The following ELAVL1 variants were observed in gnomAD, a reference collection of about 807,000 sequenced individuals.
The protein encoded by ELAVL1 is ELAV-like protein 1.
In ELAVL1, 1 loss-of-function variant was observed where a neutral mutation model predicts 28.4. That is an observed-to-expected ratio of 0.04 (90% CI 0.01 to 0.17). ELAVL1 has a LOEUF of 0.17. Among genes scored for constraint, ELAVL1 ranks in the 10% least tolerant of loss-of-function variants. The pLI is 1.00. For missense variants in ELAVL1, 157 were observed against 447.2 expected (o/e 0.35, Z 5.85); for synonymous variants, 174 against 183.5 (o/e 0.95, Z 0.42).
intron 4 of ELAVL1, among the ~76,000 whole-genome samples, chr19:7,969,789 C>G (rs1023742402): frequency 5.9e-5 from 9 of 151,980 alleles, no homozygotes; most frequent in African/African-American, 2.2e-4. Flanking sequence ...GCTTCCTCGT[C>G]TGGGGTTGTA....
chr19:7,990,359 A>G (rs1985717755), intron 2 of ELAVL1, among the ~76,000 whole-genome samples: 2 of 146,982 alleles, frequency 1.4e-5, no homozygotes, highest in African/African-American at 5.0e-5. Context: ...TTTTGAGACA[A>G]GGTCTCACTA....
intron 1 of ELAVL1, among the ~76,000 whole-genome samples, chr19:8,001,194 ACCTC>A (rs1028202940): frequency 3.4e-4 from 51 of 151,654 alleles, no homozygotes; most frequent in African/African-American, 1.1e-3. Context: ...TGTCTCCCCA[ACCTC>A]CCTGTCTGCA....
intron 5 of ELAVL1, among the ~76,000 whole-genome samples, chr19:7,964,925 G>C (rs1429791403): frequency 6.6e-6 from 1 of 152,230 alleles, no homozygotes; most frequent in Non-Finnish European, 1.5e-5. Context: ...AGCATTACCT[G>C]CTCCAAAATA....
At chr19:8,003,809 T>TG (rs375522616) in intron 1 of ELAVL1, among the ~76,000 whole-genome samples, 22 of 152,324 alleles carry the variant, frequency 1.4e-4, no homozygotes, top group African/African-American at 5.1e-4. Flanking sequence ...CTTCCACATT[T>TG]GAGACGTTCG....
At chr19:7,997,260 G>A (rs1168259225) in intron 1 of ELAVL1, among the ~76,000 whole-genome samples, 2 of 152,148 alleles carry the variant, frequency 1.3e-5, no homozygotes, top group Non-Finnish European at 2.9e-5. Context: ...GTGCAGAGCG[G>A]CATTATTCAT....
chr19:7,998,027 C>A (rs556211625), intron 1 of ELAVL1, among the ~76,000 whole-genome samples: 1 of 152,298 alleles, frequency 6.6e-6, no homozygotes, highest in South Asian at 2.1e-4. Context: ...CGGCCCTGTT[C>A]CTCCTGACAC....
chr19:7,969,385 C>T (rs1455051720), intron 4 of ELAVL1, among the ~76,000 whole-genome samples: 1 of 152,214 alleles, frequency 6.6e-6, no homozygotes, highest in African/African-American at 2.4e-5. Context: ...CGGCACCTTA[C>T]TCCACCACTT....
At chr19:7,971,147 C>A (rs1985099915) in intron 4 of ELAVL1, among the ~76,000 whole-genome samples, 2 of 152,210 alleles carry the variant, frequency 1.3e-5, no homozygotes, top group African/African-American at 2.4e-5. Context: ...GCCCCCAACA[C>A]CCTGGGAGAC....
At chr19:7,994,801 A>G (rs1985835616) in intron 1 of ELAVL1, among the ~76,000 whole-genome samples, 1 of 152,178 alleles carries the variant, frequency 6.6e-6, no homozygotes, top group African/African-American at 2.4e-5. Flanking sequence ...AAAAAATAAA[A>G]TAATTTAGTG....
chr19:7,973,569 T>G lies in ELAVL1; in HGVS notation c.430+156A>C, dbSNP rs772587462. On this transcript the variant is annotated intron_variant, in intron 4 of 5. Transcript: ENST00000407627. ...TTAATGCCATCTTACCTCCTCAGCCTCCTCAAACCAAAGCCAACGTCTTCT... is the reference window on the plus strand; with the variant it reads ...TTAATGCCATCTTACCTCCTCAGCCGCCTCAAACCAAAGCCAACGTCTTCT... 5.7e-5 allele frequency: 53 copies of G among 925,680 alleles called. No individual in the cohort carries two copies. In the South Asian group the frequency reaches 8.5e-4, roughly 15 times the overall value. 57.3% of individuals were successfully genotyped at this position (925,680 alleles called of 1,614,324 possible). A position where few individuals can be genotyped will look rare whatever the true frequency, so the allele number is the denominator to read the frequency against.
chr19:7,977,181 C>T (rs889564810), intron 3 of ELAVL1, among the ~76,000 whole-genome samples: 13 of 152,116 alleles, frequency 8.5e-5, no homozygotes, highest in South Asian at 6.2e-4. Flanking sequence ...CTGCAGTCCC[C>T]GGCGCCGGCT....
rs1985457479 is a variant in ELAVL1 at position 7,981,318 on chromosome 19, G to A, written c.173-132C>T. On this transcript the variant is annotated intron_variant, in intron 2 of 5. Coordinates refer to ENST00000407627, the MANE Select transcript of ELAVL1 (RefSeq NM_001419.3). This position sits in a 1 kb window ranked among gnomAD's most constrained non-coding sequence, Gnocchi z 4.2. Reference sequence around the variant, plus strand: ...GGTGCTAGCAAACTTTATTTTCTTTGGCAAACACGTACATTTTCTGCAATG... The same window carrying A: ...GGTGCTAGCAAACTTTATTTTCTTTAGCAAACACGTACATTTTCTGCAATG... The A allele has an allele frequency of 1.4e-6, 1 of 739,780 alleles. No homozygotes were observed. Among genetic ancestry groups the A allele is most frequent in the African/African-American group, 1.8e-5 (1 of 56,700 alleles). 45.8% of individuals were successfully genotyped at this position (739,780 alleles called of 1,614,324 possible).
intron 1 of ELAVL1, chr19:8,002,092 G>A (rs1221492943): frequency 1.6e-6 from 2 of 1,289,136 alleles, no homozygotes; most frequent in East Asian, 5.5e-5. Flanking sequence ...GTGGACACCT[G>A]AGCACTCCTG....
chr19:7,968,220 C>A (rs946870715), intron 4 of ELAVL1, among the ~76,000 whole-genome samples: 1 of 152,188 alleles, frequency 6.6e-6, no homozygotes, highest in Admixed American at 6.5e-5. Flanking sequence ...TCTGAGAGAT[C>A]CTCCCTGGGC....
intron 1 of ELAVL1, among the ~76,000 whole-genome samples, chr19:8,002,519 G>A (rs892835221): frequency 3.9e-5 from 6 of 152,224 alleles, no homozygotes; most frequent in Non-Finnish European, 8.8e-5. Context: ...GTCTTCCCCT[G>A]ACCCACAGCT....
chr19:7,978,950 G>T (rs1219568374), intron 3 of ELAVL1, among the ~76,000 whole-genome samples: 4 of 152,220 alleles, frequency 2.6e-5, no homozygotes, highest in African/African-American at 9.6e-5. Flanking sequence ...ACACTGCACA[G>T]ATCAGTCACC....
At chr19:7,994,695 T>C (rs1459477107) in intron 1 of ELAVL1, among the ~76,000 whole-genome samples, 3 of 152,238 alleles carry the variant, frequency 2.0e-5, no homozygotes, top group African/African-American at 7.2e-5. Context: ...TAGAACCTTC[T>C]GACTCACAAC....
At chr19:7,999,770 G>A (rs746254202) in intron 1 of ELAVL1, among the ~76,000 whole-genome samples, 1 of 152,072 alleles carries the variant, frequency 6.6e-6, no homozygotes, top group Non-Finnish European at 1.5e-5. Flanking sequence ...ATGTAGTTCT[G>A]TCTAAGCTTT....
At chr19:7,970,224 C>T (rs1337121678) in intron 4 of ELAVL1, among the ~76,000 whole-genome samples, 2 of 152,132 alleles carry the variant, frequency 1.3e-5, no homozygotes, top group South Asian at 2.1e-4. Flanking sequence ...GGTGCAATCT[C>T]GGCTCACTGC....
Sources: gnomAD v4.1 joint callset for allele counts (sites outside exome capture counted in the v4.1 genomes callset) on GRCh38, gnomAD v4.1.1 for gene constraint, Gnocchi (gnomAD v3.1) non-coding constraint, MANE v1.5 for transcripts, NCBI Gene and HGNC (gene_info 2026-07-23, HGNC 2026-07-21) for gene names.